The following BCL2A1 variants were observed in gnomAD, a reference collection of about 807,000 sequenced individuals.
BCL2A1 encodes BCL2 related protein A1.
Under a neutral mutation model 14.4 loss-of-function variants are expected in BCL2A1, and 10 were observed. That is an observed-to-expected ratio of 0.69 (90% CI 0.43 to 1.18). BCL2A1 has a LOEUF of 1.18. BCL2A1 is among the 50% of genes most tolerant of loss of function. The probability of loss-of-function intolerance (pLI) is 0.00; values close to 1 mark genes in which losing one functional copy is unlikely to be tolerated. For missense variants in BCL2A1, 158 were observed against 205.0 expected, an observed-to-expected ratio of 0.77 and a Z score of 1.40; for synonymous variants, 71 against 76.5, an observed-to-expected ratio of 0.93 and a Z score of 0.38.
At position 79,967,760 on chromosome 15, in the gene BCL2A1, T is replaced by C. The variant is rs373020129; in HGVS notation, c.420+2940A>G. 1.0e-3 allele frequency: 1,053 copies of C among 1,049,134 alleles called. 4 individuals carry two copies. The highest frequency in any genetic ancestry group is 1.4e-3 in the Non-Finnish European group (938 of 681,536). The allele number at this position is 1,049,134 out of a possible 1,614,324, so 65.0% of individuals were successfully genotyped here. On this transcript the variant is annotated intron_variant, in intron 1 of 1. Transcript: ENST00000267953. ...ATTTGTCAACATCACTATGAAAAGA[T>C]GATAACAGTTTTCCATGCCAGTTTG... is the stretch of plus-strand genomic sequence containing the variant.
chr15:79,963,771 C>T (rs2035512733), intron 1 of BCL2A1, among the ~76,000 whole-genome samples: 1 of 152,124 alleles, frequency 6.6e-6, no homozygotes, highest in African/African-American at 2.4e-5. Context: ...AAAGCATACC[C>T]ATGCTTCAGT....
At chr15:79,969,812 T>A (rs909816632) in intron 1 of BCL2A1, among the ~76,000 whole-genome samples, 1 of 152,228 alleles carries the variant, frequency 6.6e-6, no homozygotes, top group Non-Finnish European at 1.5e-5. Context: ...TCAGTAGGCA[T>A]GTTTTGCATG....
intron 1 of BCL2A1, among the ~76,000 whole-genome samples, chr15:79,970,304 A>G (rs1226639916): frequency 6.6e-6 from 1 of 152,186 alleles, no homozygotes; most frequent in Non-Finnish European, 1.5e-5. Flanking sequence ...ACAGCATCTG[A>G]TAGCAACTTT....
intron 1 of BCL2A1, chr15:79,967,837 G>A (rs2035557032): frequency 1.7e-6 from 1 of 594,546 alleles, no homozygotes; most frequent in Admixed American, 3.0e-5. Context: ...TGTCTCATCT[G>A]AGCTGGGAAA....
intron 1 of BCL2A1, among the ~76,000 whole-genome samples, chr15:79,962,955 T>C (rs1351833343): frequency 6.6e-6 from 1 of 151,972 alleles, no homozygotes. Context: ...AAAAAAATGA[T>C]GAATTCAGCC....
rs1287048199 is a variant in BCL2A1, at chr15:79,970,030, A to C, written c.420+670T>G. On this transcript the variant is annotated intron_variant, in intron 1 of 1. Coordinates refer to ENST00000267953, the MANE Select transcript of BCL2A1 (RefSeq NM_004049.4). Reference sequence around the variant, plus strand: ...AGTCTTGGCTTTTTTAGGCACTGATAATAAAGTAAATTTTTATTTGAAAAT... The same window carrying C: ...AGTCTTGGCTTTTTTAGGCACTGATCATAAAGTAAATTTTTATTTGAAAAT... Among the ~76,000 whole-genome samples, 3 of 152,164 alleles carry C rather than the reference A, an allele frequency of 2.0e-5. No individual in the cohort carries two copies. The East Asian group carries it at 5.8e-4, about 29-fold the overall frequency.
At chr15:79,967,589 T>C (rs2035554117) in intron 1 of BCL2A1, 4 of 1,560,458 alleles carry the variant, frequency 2.6e-6, no homozygotes, top group Non-Finnish European at 8.8e-7. Context: ...TTATAGATTG[T>C]ATGTGCTCAC....
intron 1 of BCL2A1, among the ~76,000 whole-genome samples, chr15:79,968,043 AC>A (rs1176946002): frequency 2.0e-5 from 3 of 152,200 alleles, no homozygotes; most frequent in African/African-American, 7.2e-5. Context: ...ACTCATGTTT[AC>A]ATCTGTACCA....
intron 1 of BCL2A1, among the ~76,000 whole-genome samples, chr15:79,969,622 T>C (rs1171080270): frequency 6.6e-6 from 1 of 152,184 alleles, no homozygotes; most frequent in Non-Finnish European, 1.5e-5. Context: ...AAAATATGTA[T>C]GCAAAATTTA....
chr15:79,967,605 G>C, intron 1 of BCL2A1: 3 of 1,581,552 alleles, frequency 1.9e-6, no homozygotes, highest in Non-Finnish European at 1.7e-6. Context: ...CTCACATCTT[G>C]ATAAAGCTGT....
At chr15:79,962,608 C>T (rs1314207916) in intron 1 of BCL2A1, among the ~76,000 whole-genome samples, 3 of 151,976 alleles carry the variant, frequency 2.0e-5, no homozygotes, top group East Asian at 1.9e-4. Context: ...AGTGCAGTGG[C>T]GCGATCTCAG....
At chr15:79,968,873 T>C (rs2035569010) in intron 1 of BCL2A1, among the ~76,000 whole-genome samples, 1 of 152,174 alleles carries the variant, frequency 6.6e-6, no homozygotes, top group South Asian at 2.1e-4. Flanking sequence ...GAGGTTGCAG[T>C]GAGCTGAGAT....
chr15:79,967,421 A>G (rs554194789), intron 1 of BCL2A1, among the ~76,000 whole-genome samples: 23 of 152,090 alleles, frequency 1.5e-4, no homozygotes, highest in Non-Finnish European at 2.4e-4. Context: ...TTACCATCTT[A>G]GCTAGGCTGC....
At position 79,960,940 on chromosome 15, in the gene BCL2A1, A is replaced by T; in HGVS notation, c.*127T>A. 1.4e-6 allele frequency: 2 copies of T among 1,450,884 alleles called. No homozygotes were observed. Among genetic ancestry groups the T allele is most frequent in the Non-Finnish European group, 1.9e-6 (2 of 1,057,778 alleles). 89.9% of individuals were successfully genotyped at this position (1,450,884 alleles called of 1,614,324 possible). A position where few individuals can be genotyped will look rare whatever the true frequency, so the allele number is the denominator to read the frequency against. On this transcript the variant is annotated 3_prime_UTR_variant, in exon 2 of 2. Coordinates refer to ENST00000267953, the MANE Select transcript of BCL2A1 (RefSeq NM_004049.4). ...TTCATTACATGGGGACAAAATTTCC[A>T]TAACTCTGGAAGGTCAAGTTACATC...
Position 79,970,699 on chromosome 15 carries a change from C to T in BCL2A1, c.420+1G>A. 6.3e-7 allele frequency: 1 copy of T among 1,594,990 alleles called. No homozygotes were observed. Among genetic ancestry groups the T allele is most frequent in the Non-Finnish European group, 8.6e-7 (1 of 1,166,884 alleles). Reference sequence around the variant, plus strand: ...ATGAAGAATTTTTCCATCACACATACCCAGCCTCCGTTTTGCCTTATCCAT... The same window carrying T: ...ATGAAGAATTTTTCCATCACACATATCCAGCCTCCGTTTTGCCTTATCCAT... On this transcript the variant is annotated splice_donor_variant, in intron 1 of 1. Coordinates refer to ENST00000267953, the MANE Select transcript of BCL2A1 (RefSeq NM_004049.4). LOFTEE classifies it high-confidence loss of function.
chr15:79,967,534 C>CAAAAAAAT, intron 1 of BCL2A1: 1 of 1,316,410 alleles, frequency 7.6e-7, no homozygotes, highest in South Asian at 1.4e-5. Flanking sequence ...ATTGTTGATT[C>CAAAAAAAT]AAAGTTTTCA....
intron 1 of BCL2A1, among the ~76,000 whole-genome samples, chr15:79,970,397 G>T (rs2035582078): frequency 6.6e-6 from 1 of 152,128 alleles, no homozygotes; most frequent in Non-Finnish European, 1.5e-5. Flanking sequence ...TAGAGTGTGT[G>T]CACAGCTGAT....
chr15:79,967,674 T>C (rs771788493), intron 1 of BCL2A1: 2 of 1,573,462 alleles, frequency 1.3e-6, no homozygotes, highest in Admixed American at 3.3e-5. Flanking sequence ...AGCATAGGTG[T>C]GTGATTGTGC....
At position 79,961,465 on chromosome 15, in the gene BCL2A1, C is replaced by A. The variant is rs530367755; in HGVS notation, c.421-291G>T. Among the ~76,000 whole-genome samples the A allele has an allele frequency of 7.9e-5, 12 of 152,066 alleles. No homozygotes were observed. The South Asian group carries it at 2.3e-3, about 29-fold the overall frequency. ...AGTATAAAATCATTAATGAGATATT[C>A]TTTTTTCATAACAAACCTTCGAAAT... On this transcript the variant is annotated intron_variant, in intron 1 of 1. Transcript: ENST00000267953.
Sources: gnomAD v4.1 joint callset for allele counts (sites outside exome capture counted in the v4.1 genomes callset) on GRCh38, gnomAD v4.1.1 for gene constraint, MANE v1.5 for transcripts, NCBI Gene and HGNC (gene_info 2026-07-23, HGNC 2026-07-21) for gene names.